PTPRD: variants seen among roughly 807,000 people sequenced by gnomAD.
The protein encoded by PTPRD is protein tyrosine phosphatase receptor type D.
In PTPRD, 34 loss-of-function variants were observed where a neutral mutation model predicts 214.5. The observed-to-expected ratio is 0.16, with a 90% CI of 0.12 to 0.21. PTPRD has a LOEUF of 0.21. PTPRD is among the 10% of genes least tolerant of loss of function. The probability of loss-of-function intolerance (pLI) is 1.00; values close to 1 mark genes in which losing one functional copy is unlikely to be tolerated. For missense variants in PTPRD, 2,545 were observed against 2,398.7 expected, an observed-to-expected ratio of 1.06 and a Z score of -1.27; for synonymous variants, 1,128 against 845.7, an observed-to-expected ratio of 1.33 and a Z score of -5.79.
chr9:9,954,297 CA>C (rs781628679), intron 4 of PTPRD, among the ~76,000 whole-genome samples: 4,628 of 53,740 alleles, frequency 0.086, 132 homozygotes, highest in Admixed American at 0.25. Context: ...TGTCTCAAAA[CA>C]AAAAAAAAAA....
At chr9:9,393,486 C>A (rs2066614676) in intron 9 of PTPRD, among the ~76,000 whole-genome samples, 1 of 152,222 alleles carries the variant, frequency 6.6e-6, no homozygotes, top group African/African-American at 2.4e-5. Context: ...ACTGAGACCT[C>A]CAGTTAATCT....
intron 9 of PTPRD, among the ~76,000 whole-genome samples, chr9:9,312,823 A>C (rs1050321730): frequency 2.0e-5 from 3 of 152,210 alleles, no homozygotes; most frequent in Admixed American, 2.0e-4. Flanking sequence ...ACAATAAACA[A>C]TGCAGCACAA....
At position 10,111,316 on chromosome 9, in the gene PTPRD, G is replaced by A. The variant is rs1190210487; in HGVS notation, c.-544-77526C>T. Among the ~76,000 whole-genome samples, 3 of 124,568 alleles carry A rather than the reference G, an allele frequency of 2.4e-5. No homozygotes were observed. The East Asian group carries it at 7.2e-4, about 30-fold the overall frequency. 81.7% of individuals were successfully genotyped at this position (124,568 alleles called of 152,430 possible). ...TGCAGTGGCGGGATCTCGGCTCACT[G>A]CAAGCTCCGCCTCCTGGGTTCATGC... On this transcript the variant is annotated intron_variant, in intron 3 of 45. Transcript: ENST00000381196.
intron 8 of PTPRD, among the ~76,000 whole-genome samples, chr9:9,440,742 T>C (rs1043094686): frequency 6.6e-6 from 1 of 152,238 alleles, no homozygotes; most frequent in Admixed American, 6.5e-5. Context: ...TATCTACTTA[T>C]CTTCTTGTGT....
intron 11 of PTPRD, among the ~76,000 whole-genome samples, chr9:8,987,608 G>A (rs1589357506): frequency 2.0e-5 from 3 of 152,030 alleles, no homozygotes; most frequent in African/African-American, 7.2e-5. Context: ...ATGCGTTTGT[G>A]GGTCTTTATG....
intron 9 of PTPRD, among the ~76,000 whole-genome samples, chr9:9,213,990 G>C (rs1449174997): frequency 6.6e-6 from 1 of 151,964 alleles, no homozygotes; most frequent in Non-Finnish European, 1.5e-5. Context: ...ATGATAATAA[G>C]AATGATAGCA....
intron 2 of PTPRD, among the ~76,000 whole-genome samples, chr9:10,558,410 G>A (rs996356637): frequency 6.6e-6 from 1 of 152,016 alleles, no homozygotes; most frequent in African/African-American, 2.4e-5. Flanking sequence ...TAATATTCCT[G>A]AATCCCTAGT....
intron 12 of PTPRD, among the ~76,000 whole-genome samples, chr9:8,731,403 G>A (rs2098657457): frequency 6.6e-6 from 1 of 152,084 alleles, no homozygotes; most frequent in Non-Finnish European, 1.5e-5. Flanking sequence ...TTAGGTAAAA[G>A]GGAAAACAAA....
intron 11 of PTPRD, among the ~76,000 whole-genome samples, chr9:8,746,970 C>G (rs1348840598): frequency 6.6e-6 from 1 of 152,124 alleles, no homozygotes; most frequent in Non-Finnish European, 1.5e-5. Flanking sequence ...AGGAGTGTGG[C>G]TGGCAAAGAT....
At chr9:8,531,839 T>A (rs559636153) in intron 14 of PTPRD, among the ~76,000 whole-genome samples, 1 of 152,196 alleles carries the variant, frequency 6.6e-6, no homozygotes, top group South Asian at 2.1e-4. Flanking sequence ...ACCAAAGAAA[T>A]CTAGATTTAA....
intron 7 of PTPRD, among the ~76,000 whole-genome samples, chr9:9,693,875 A>G (rs1463078946): frequency 2.0e-5 from 3 of 152,174 alleles, no homozygotes; most frequent in African/African-American, 4.8e-5. Context: ...CAATTCTGCT[A>G]TTAAGAGACT....
At chr9:9,764,910 G>A (rs1294140861) in intron 6 of PTPRD, among the ~76,000 whole-genome samples, 2 of 152,168 alleles carry the variant, frequency 1.3e-5, no homozygotes, top group Admixed American at 6.5e-5. Flanking sequence ...GGAGAAAAGA[G>A]TGGTAATGAC....
Position 10,410,106 on chromosome 9 carries a change from A to G in PTPRD, c.-599-69089T>C, listed in dbSNP as rs981562691. Reference sequence around the variant, plus strand: ...GATAATAAATATAATATATCAATGGATGCCATGATAGAACAACTTTTGATT... The same window carrying G: ...GATAATAAATATAATATATCAATGGGTGCCATGATAGAACAACTTTTGATT... On this transcript the variant is annotated intron_variant, in intron 2 of 45. Transcript: ENST00000381196. 2.0e-5 allele frequency among the ~76,000 whole-genome samples: 3 copies of G among 151,368 alleles called. No individual in the cohort carries two copies. In the Admixed American group the frequency reaches 2.0e-4, roughly 10 times the overall value.
Position 10,486,746 on chromosome 9 carries a change from T to G in PTPRD, c.-600+125652A>C, listed in dbSNP as rs375238184. ...ACATGTGGTCTATACTTGAGAATGA[T>G]TCATGTGCTGAGGGGAGGAATGTGT... On this transcript the variant is annotated intron_variant, in intron 2 of 45. Transcript: ENST00000381196. Among the ~76,000 whole-genome samples the G allele has an allele frequency of 4.8e-4, 73 of 152,358 alleles. 1 individual carries two copies. In the East Asian group the frequency reaches 0.011, roughly 22 times the overall value.
intron 11 of PTPRD, among the ~76,000 whole-genome samples, chr9:8,852,310 C>A (rs2097834866): frequency 6.6e-6 from 1 of 152,204 alleles, no homozygotes; most frequent in Non-Finnish European, 1.5e-5. Flanking sequence ...TCTCATGCAA[C>A]TGGCAGAGTT....
chr9:9,247,715 T>A lies in PTPRD; in HGVS notation c.-202-64352A>T, dbSNP rs141444309. Among the ~76,000 whole-genome samples the A allele has an allele frequency of 1.5e-3, 233 of 152,218 alleles. 3 individuals carry two copies. Among genetic ancestry groups the A allele is most frequent in the African/African-American group, 5.3e-3 (219 of 41,572 alleles). On this transcript the variant is annotated intron_variant, in intron 9 of 45. Transcript: ENST00000381196. ...AGCAGGGAGTCACCTCTTCTGACCC[T>A]TGAATCCCACACAATAGTAGTTCTC... is the stretch of plus-strand genomic sequence containing the variant.
At chr9:8,739,145 G>A (rs2091267148) in intron 11 of PTPRD, among the ~76,000 whole-genome samples, 2 of 152,222 alleles carry the variant, frequency 1.3e-5, no homozygotes, top group African/African-American at 2.4e-5. Flanking sequence ...GCCTGAAGGA[G>A]GGGAGGGGCC....
chr9:10,290,459 G>A (rs2095495094), intron 3 of PTPRD, among the ~76,000 whole-genome samples: 3 of 152,122 alleles, frequency 2.0e-5, no homozygotes, highest in Admixed American at 1.3e-4. Flanking sequence ...GGTACTACAT[G>A]AGAAAGCTGT....
chr9:9,526,608 T>C (rs1245489353), intron 8 of PTPRD, among the ~76,000 whole-genome samples: 2 of 152,148 alleles, frequency 1.3e-5, no homozygotes, highest in Admixed American at 6.5e-5. Flanking sequence ...TGTCCTGTAA[T>C]TGGACATAAC....
Sources: gnomAD v4.1 joint callset for allele counts (sites outside exome capture counted in the v4.1 genomes callset) on GRCh38, gnomAD v4.1.1 for gene constraint, MANE v1.5 for transcripts, NCBI Gene and HGNC (gene_info 2026-07-23, HGNC 2026-07-21) for gene names.